The following DOCK4 variants were observed in gnomAD, a reference collection of about 807,000 sequenced individuals.
DOCK4 encodes the protein dedicator of cytokinesis protein 4.
DOCK4 carries 97 observed loss-of-function variants against 268.1 expected under a neutral mutation model. The ratio of observed to expected loss-of-function variants is 0.36; its 90% CI spans 0.31 to 0.43. The LOEUF (loss-of-function observed/expected upper bound fraction) is 0.43, where lower values mean the gene tolerates loss of function less well. Among genes scored for constraint, DOCK4 ranks in the 20% least tolerant of loss-of-function variants. The pLI, the probability that DOCK4 is intolerant of heterozygous loss-of-function variation, is 1.00. For synonymous variants in DOCK4, 954 were observed against 887.2 expected, an observed-to-expected ratio of 1.08 and a Z score of -1.34; for missense variants, 2,145 against 2,455.7, an observed-to-expected ratio of 0.87 and a Z score of 2.67.
intron 16 of DOCK4, among the ~76,000 whole-genome samples, chr7:111,877,463 A>G (rs1369167377): frequency 6.6e-6 from 1 of 152,212 alleles, no homozygotes; most frequent in East Asian, 1.9e-4. Flanking sequence ...TGTTTCCGTT[A>G]TCTTCTCTAA....
At chr7:111,930,964 A>AGAG (rs1425483383) in intron 12 of DOCK4, among the ~76,000 whole-genome samples, 71 of 152,318 alleles carry the variant, frequency 4.7e-4, no homozygotes, top group Middle Eastern at 6.8e-3. Flanking sequence ...AGAGCAGAAT[A>AGAG]TTAGAGTGAA....
intron 23 of DOCK4, among the ~76,000 whole-genome samples, chr7:111,850,194 C>G (rs181036867): frequency 1.3e-5 from 2 of 152,084 alleles, no homozygotes. Context: ...CCCTTGATAT[C>G]TGATTGGGTT....
chr7:112,012,391 G>A (rs112486116), intron 1 of DOCK4, among the ~76,000 whole-genome samples: 1 of 152,060 alleles, frequency 6.6e-6, no homozygotes, highest in Non-Finnish European at 1.5e-5. Flanking sequence ...GGAAAGTAAC[G>A]GGGTTAAGAG....
At chr7:111,885,419 G>A (rs1484141404) in intron 16 of DOCK4, among the ~76,000 whole-genome samples, 5 of 152,164 alleles carry the variant, frequency 3.3e-5, no homozygotes, top group Non-Finnish European at 5.9e-5. Flanking sequence ...CATGGAGCAT[G>A]GCAATGTGGA....
intron 8 of DOCK4, among the ~76,000 whole-genome samples, chr7:111,959,390 A>G (rs892441835): frequency 4.6e-5 from 7 of 152,228 alleles, no homozygotes; most frequent in Non-Finnish European, 7.3e-5. Context: ...ACATGAAGCT[A>G]CAAAAAGGGA....
At chr7:111,936,881 C>A (rs1794789393) in intron 11 of DOCK4, among the ~76,000 whole-genome samples, 1 of 152,098 alleles carries the variant, frequency 6.6e-6, no homozygotes, top group Non-Finnish European at 1.5e-5. Flanking sequence ...AGCCAATTAA[C>A]AGTGGGATAT....
Position 111,874,579 on chromosome 7 carries a change from T to C in DOCK4, c.1745-2015A>G, listed in dbSNP as rs571285807. 3.9e-5 allele frequency among the ~76,000 whole-genome samples: 6 copies of C among 152,370 alleles called. No individual in the cohort carries two copies. In the East Asian group the frequency reaches 1.2e-3, roughly 29 times the overall value. On this transcript the variant is annotated intron_variant, in intron 17 of 52. Coordinates refer to ENST00000428084, the MANE Select transcript of DOCK4 (RefSeq NM_001363540.2). The stretch of plus-strand genomic sequence containing the variant: ...AAGTTCAGGCAAAATTGCTGTATCC[T>C]AGCTTTTTACTTTTGCCATCTGAGG...
chr7:111,887,705 G>A (rs1210844665), intron 16 of DOCK4, among the ~76,000 whole-genome samples: 4 of 151,864 alleles, frequency 2.6e-5, no homozygotes, highest in Non-Finnish European at 5.9e-5. Flanking sequence ...GACATTTCAC[G>A]CAGGCTGCAT....
chr7:112,193,755 T>C lies in DOCK4; in HGVS notation c.37+12347A>G, dbSNP rs375104175. Among the ~76,000 whole-genome samples, 211 of 152,122 alleles carry C rather than the reference T, an allele frequency of 1.4e-3. 1 individual carries two copies. The highest frequency in any genetic ancestry group is 4.9e-3 in the African/African-American group (204 of 41,492). On this transcript the variant is annotated intron_variant, in intron 1 of 52. Transcript: ENST00000428084. ...TCTACTTTTTTTATATCCCTCTTCCTACAATCCCTAAAATGTCTTTAACCC... is the reference window on the plus strand; with the variant it reads ...TCTACTTTTTTTATATCCCTCTTCCCACAATCCCTAAAATGTCTTTAACCC...
intron 1 of DOCK4, among the ~76,000 whole-genome samples, chr7:112,181,368 CTGGGG>C (rs1257120845): frequency 6.6e-6 from 1 of 152,002 alleles, no homozygotes; most frequent in Non-Finnish European, 1.5e-5. Flanking sequence ...TAGCATGATA[CTGGGG>C]CTGGGTCCAG....
At chr7:112,174,861 GGTTT>G (rs1403275821) in intron 1 of DOCK4, among the ~76,000 whole-genome samples, 1 of 150,840 alleles carries the variant, frequency 6.6e-6, no homozygotes, top group East Asian at 1.9e-4. Flanking sequence ...TGGGTTTTTT[GGTTT>G]GTTTTTTTGT....
In DOCK4 at chr7:112,009,860, A is replaced by G. The variant is rs566404933; in HGVS notation, c.38-5729T>C. ...TTGAGACAGCGTCTCACCGTCGCCC[A>G]GGCTGGAGTGCAGTGGCATGAACTC... On this transcript the variant is annotated intron_variant, in intron 1 of 52. Coordinates refer to ENST00000428084, the MANE Select transcript of DOCK4 (RefSeq NM_001363540.2). 7.2e-5 allele frequency among the ~76,000 whole-genome samples: 11 copies of G among 152,342 alleles called. No homozygotes were observed. The South Asian group carries it at 1.2e-3, about 17-fold the overall frequency.
chr7:112,003,007 C>T (rs35724420), intron 2 of DOCK4, among the ~76,000 whole-genome samples: 2,693 of 147,846 alleles, frequency 0.018, 78 homozygotes, highest in East Asian at 0.11. Flanking sequence ...GCCAAGATCC[C>T]GCCACTGAAC....
chr7:111,924,691 G>A (rs1030719607), intron 12 of DOCK4, among the ~76,000 whole-genome samples: 2 of 152,132 alleles, frequency 1.3e-5, no homozygotes, highest in Non-Finnish European at 2.9e-5. Flanking sequence ...GGCAAAGGTG[G>A]GAGGATTGCT....
At chr7:112,160,222 C>A (rs962120338) in intron 1 of DOCK4, among the ~76,000 whole-genome samples, 7 of 152,192 alleles carry the variant, frequency 4.6e-5, no homozygotes, top group Non-Finnish European at 8.8e-5. Flanking sequence ...CATCTGTAAA[C>A]AGAGGCTCCT....
chr7:111,944,914 G>C (rs758701339), intron 9 of DOCK4, 43 bp from the exon 10 acceptor site: 2 of 1,530,312 alleles, frequency 1.3e-6, no homozygotes, highest in Non-Finnish European at 9.1e-7. Context: ...GACATGAGCG[G>C]CACTTAAAGG....
intron 1 of DOCK4, among the ~76,000 whole-genome samples, chr7:112,185,182 G>A (rs1819397379): frequency 6.6e-6 from 1 of 152,194 alleles, no homozygotes; most frequent in South Asian, 2.1e-4. Context: ...TCTTGGGAGT[G>A]CAGCATTGAA....
chr7:112,094,314 G>C (rs1488401095), intron 1 of DOCK4, among the ~76,000 whole-genome samples: 1 of 152,060 alleles, frequency 6.6e-6, no homozygotes, highest in African/African-American at 2.4e-5. Context: ...ACAGAAAAAA[G>C]TGGACTATGA....
intron 1 of DOCK4, among the ~76,000 whole-genome samples, chr7:112,072,048 A>G (rs928539741): frequency 6.6e-6 from 1 of 152,218 alleles, no homozygotes; most frequent in Non-Finnish European, 1.5e-5. Context: ...TTTCTGAGTC[A>G]TAACCTGTTT....
Sources: allele counts gnomAD v4.1 joint callset (sites outside exome capture counted in the v4.1 genomes callset), GRCh38; gene constraint gnomAD v4.1.1; transcripts MANE v1.5; gene names NCBI Gene and HGNC (gene_info 2026-07-23, HGNC 2026-07-21).